STK10: variants seen among roughly 807,000 people sequenced by gnomAD.
STK10 encodes serine/threonine kinase 10, also known as serine/threonine-protein kinase 10.
STK10 carries 78 observed loss-of-function variants against 113.8 expected under a neutral mutation model. The ratio of observed to expected loss-of-function variants is 0.69; its 90% CI spans 0.57 to 0.83. The LOEUF is 0.83. STK10 is among the 40% of genes least tolerant of loss of function. The pLI, the probability that STK10 is intolerant of heterozygous loss-of-function variation, is 0.00. For synonymous variants in STK10, 465 were observed against 494.7 expected (o/e 0.94, Z 0.80); for missense variants, 1,109 against 1,280.1 (o/e 0.87, Z 2.04).
At chr5:172,140,509 C>A (rs1769951825) in intron 2 of STK10, among the ~76,000 whole-genome samples, 1 of 152,154 alleles carries the variant, frequency 6.6e-6, no homozygotes, top group Non-Finnish European at 1.5e-5. Context: ...CCAGCCTGGC[C>A]AACATGGCAA....
chr5:172,187,236 C>T lies in STK10; in HGVS notation c.156+651G>A, dbSNP rs1015624433. ...GAGGTGACTGCAGGCTGGGAGACTC[C>T]CCAGCTGTGACTCAGACCGACGGAA... On this transcript the variant is annotated intron_variant, in intron 1 of 18. Coordinates refer to ENST00000176763, the MANE Select transcript of STK10 (RefSeq NM_005990.4). The surrounding 1 kb of genome is among the most constrained non-coding windows in gnomAD (Gnocchi z 4.6). Among the ~76,000 whole-genome samples, 1 of 152,110 alleles carries T rather than the reference C, an allele frequency of 6.6e-6. No homozygotes were observed. Among genetic ancestry groups the T allele is most frequent in the African/African-American group, 2.4e-5 (1 of 41,424 alleles).
rs1301461103 is a variant in STK10, at chr5:172,180,073, T to C, written c.156+7814A>G. 4.6e-5 allele frequency among the ~76,000 whole-genome samples: 7 copies of C among 152,332 alleles called. No homozygotes were observed. In the East Asian group the frequency reaches 1.4e-3, roughly 29 times the overall value. On this transcript the variant is annotated intron_variant, in intron 1 of 18. Coordinates refer to ENST00000176763, the MANE Select transcript of STK10 (RefSeq NM_005990.4). ...GGACTTGGGAATTGGCTCTCAGCAA[T>C]AGCAAGAGACAAAGGGGACCTGTAT...
intron 4 of STK10, among the ~76,000 whole-genome samples, chr5:172,110,312 C>T (rs181556877): frequency 3.5e-4 from 53 of 152,226 alleles, no homozygotes; most frequent in East Asian, 2.3e-3. Context: ...GGAGGAAGGA[C>T]AGTTTTATTC....
In STK10 at chr5:172,044,439, C is replaced by G. The variant is rs1458247293; in HGVS notation, c.*443G>C. On this transcript the variant is annotated 3_prime_UTR_variant, in exon 19 of 19. Coordinates refer to ENST00000176763, the MANE Select transcript of STK10 (RefSeq NM_005990.4). The surrounding 1 kb of genome is among the most constrained non-coding windows in gnomAD (Gnocchi z 4.5). The stretch of plus-strand genomic sequence containing the variant: ...TGAGGGACTTGATGATTGAGTGACT[C>G]TGCAGGGAATGGCTGAAAAACCAAG... The G allele has an allele frequency of 5.5e-6, 1 of 183,008 alleles. No individual in the cohort carries two copies. The highest frequency in any genetic ancestry group is 2.4e-5 in the African/African-American group (1 of 42,228). The allele number at this position is 183,008 out of a possible 1,614,324, so 11.3% of individuals were successfully genotyped here. A position where few individuals can be genotyped will look rare whatever the true frequency, so the allele number is the denominator to read the frequency against.
chr5:172,136,712 C>G (rs1476071382), intron 2 of STK10, among the ~76,000 whole-genome samples: 1 of 152,128 alleles, frequency 6.6e-6, no homozygotes, highest in Non-Finnish European at 1.5e-5. Flanking sequence ...AGGTACAATG[C>G]TTGCTTATAT....
chr5:172,165,329 G>A (rs114529399), intron 1 of STK10, among the ~76,000 whole-genome samples: 9 of 152,330 alleles, frequency 5.9e-5, no homozygotes, highest in East Asian at 1.9e-4. Flanking sequence ...CCACCAAGGC[G>A]AATGCAGAGA....
intron 12 of STK10, among the ~76,000 whole-genome samples, chr5:172,079,152 G>T (rs1464874318): frequency 1.3e-5 from 2 of 152,136 alleles, no homozygotes; most frequent in Non-Finnish European, 2.9e-5. Flanking sequence ...TCCTGCCTGT[G>T]GCCCACTGCC....
At chr5:172,170,179 A>G (rs1697276084) in intron 1 of STK10, among the ~76,000 whole-genome samples, 1 of 151,550 alleles carries the variant, frequency 6.6e-6, no homozygotes, top group Non-Finnish European at 1.5e-5. Context: ...AATGAATAAA[A>G]CTGGTGTTTG....
At chr5:172,099,946 C>A (rs909551717) in intron 7 of STK10, among the ~76,000 whole-genome samples, 3 of 152,178 alleles carry the variant, frequency 2.0e-5, no homozygotes, top group Non-Finnish European at 4.4e-5. Context: ...ACCACCCCAG[C>A]GTCCTTAGGA....
chr5:172,131,042 T>TG (rs1035286785), intron 2 of STK10, among the ~76,000 whole-genome samples: 3 of 148,180 alleles, frequency 2.0e-5, no homozygotes, highest in Non-Finnish European at 4.5e-5. Flanking sequence ...GTTTTTTTTT[T>TG]TTTTTTTTTT....
chr5:172,115,313 A>G (rs922573891), intron 4 of STK10, among the ~76,000 whole-genome samples: 2 of 152,168 alleles, frequency 1.3e-5, no homozygotes, highest in Non-Finnish European at 2.9e-5. Flanking sequence ...AAAGCCTCCA[A>G]TGGTGAGTTC....
intron 2 of STK10, among the ~76,000 whole-genome samples, chr5:172,144,369 G>A (rs989049483): frequency 6.6e-6 from 1 of 152,068 alleles, no homozygotes; most frequent in Non-Finnish European, 1.5e-5. Flanking sequence ...GTGGGGCGGT[G>A]CTGGGAACCT....
intron 2 of STK10, among the ~76,000 whole-genome samples, chr5:172,131,995 C>A (rs1769766242): frequency 6.6e-6 from 1 of 152,214 alleles, no homozygotes; most frequent in Non-Finnish European, 1.5e-5. Context: ...TTTCCACCTT[C>A]CACGATGGCA....
intron 12 of STK10, among the ~76,000 whole-genome samples, chr5:172,075,631 G>A (rs1189902244): frequency 6.6e-6 from 1 of 152,208 alleles, no homozygotes; most frequent in Non-Finnish European, 1.5e-5. Flanking sequence ...AGTGAGCCGA[G>A]ATCGTGCCAT....
At chr5:172,108,738 T>C (rs934232208) in intron 4 of STK10, among the ~76,000 whole-genome samples, 4 of 151,720 alleles carry the variant, frequency 2.6e-5, no homozygotes, top group African/African-American at 4.8e-5. Context: ...TGAGCCAGGA[T>C]TGTGCCACTG....
chr5:172,091,810 G>A (rs966794958), intron 9 of STK10, among the ~76,000 whole-genome samples: 4 of 152,206 alleles, frequency 2.6e-5, no homozygotes, highest in African/African-American at 7.2e-5. Flanking sequence ...GGGATTACAG[G>A]TGTGAGCCAC....
chr5:172,052,893 G>A, intron 18 of STK10, 36 bp downstream of exon 18: 7 of 1,601,944 alleles, frequency 4.4e-6, no homozygotes, highest in Non-Finnish European at 5.1e-6. Flanking sequence ...ACAGAGCAGA[G>A]CCCGAGACTG....
rs74777328 is a variant in STK10 at position 172,097,469 on chromosome 5, G to A, written c.871-909C>T. On this transcript the variant is annotated intron_variant, in intron 7 of 18. Coordinates refer to ENST00000176763, the MANE Select transcript of STK10 (RefSeq NM_005990.4). ...ACCCCACTCCCACGCCGCCAGCCTCGGGAGCCTGCTCCTCAGCTTCCTAGA... is the reference window on the plus strand; with the variant it reads ...ACCCCACTCCCACGCCGCCAGCCTCAGGAGCCTGCTCCTCAGCTTCCTAGA... 5.9e-3 allele frequency among the ~76,000 whole-genome samples: 893 copies of A among 152,314 alleles called. 10 individuals carry two copies. Among genetic ancestry groups the A allele is most frequent in the African/African-American group, 0.018 (761 of 41,576 alleles).
At chr5:172,054,540 G>A (rs1767702274) in intron 17 of STK10, 29 bp downstream of exon 17, 2 of 1,596,482 alleles carry the variant, frequency 1.3e-6, no homozygotes, top group Non-Finnish European at 8.5e-7. Flanking sequence ...GCAGCCTGGG[G>A]GCAGGGGCAG....
Sources: allele counts gnomAD v4.1 joint callset (sites outside exome capture counted in the v4.1 genomes callset), GRCh38; gene constraint gnomAD v4.1.1; non-coding constraint Gnocchi (gnomAD v3.1); transcripts MANE v1.5; gene names NCBI Gene and HGNC (gene_info 2026-07-23, HGNC 2026-07-21).